The following TATDN3 variants were observed in gnomAD, a reference collection of about 807,000 sequenced individuals.
The protein encoded by TATDN3 is TatD DNase domain containing 3.
In TATDN3, 29 loss-of-function variants were observed where a neutral mutation model predicts 40.1. The observed-to-expected ratio is 0.72, with a 90% confidence interval of 0.54 to 0.99. The LOEUF (loss-of-function observed/expected upper bound fraction) is 0.99, where lower values mean the gene tolerates loss of function less well. Among genes scored for constraint, TATDN3 ranks in the 50% least tolerant of loss-of-function variants. TATDN3 has a pLI of 0.00. For synonymous variants in TATDN3, 105 were observed against 117.0 expected, an observed-to-expected ratio of 0.90 and a Z score of 0.66; for missense variants, 309 against 321.9, an observed-to-expected ratio of 0.96 and a Z score of 0.31.
At chr1:212,811,605 G>T (rs530669521) in intron 8 of TATDN3, among the ~76,000 whole-genome samples, 238 of 151,902 alleles carry the variant, frequency 1.6e-3, no homozygotes, top group African/African-American at 5.5e-3. Context: ...TTGAGGCGGA[G>T]TCTCGCTCTG....
At chr1:212,807,073 A>T (rs540397479) in intron 7 of TATDN3, among the ~76,000 whole-genome samples, 159 of 151,100 alleles carry the variant, frequency 1.1e-3, no homozygotes, top group African/African-American at 3.7e-3. Context: ...CCTCCCAAGT[A>T]GCTGGGATTA....
chr1:212,793,710 T>A (rs1360563019), intron 1 of TATDN3, among the ~76,000 whole-genome samples: 1 of 152,098 alleles, frequency 6.6e-6, no homozygotes, highest in Non-Finnish European at 1.5e-5. Flanking sequence ...CAGTAAGTAC[T>A]GAAGAATTGG....
At chr1:212,794,843 A>G (rs1385129158) in intron 1 of TATDN3, 1 of 613,650 alleles carries the variant, frequency 1.6e-6, no homozygotes, top group Admixed American at 2.1e-5. Flanking sequence ...GGAGTAGAGT[A>G]AGATGAGGAC....
rs752952752 is a variant in TATDN3 at position 212,792,632 on chromosome 1, C to CAAAAAAAAAAAAAAAAA, written c.66+650_66+666dup. 8.9e-4 allele frequency among the ~76,000 whole-genome samples: 67 copies of CAAAAAAAAAAAAAAAAA among 75,070 alleles called. 1 individual carries two copies. Among genetic ancestry groups the CAAAAAAAAAAAAAAAAA allele is most frequent in the Non-Finnish European group, 1.3e-3 (52 of 41,152 alleles). The allele number at this position is 75,070 out of a possible 152,430, so 49.2% of individuals were successfully genotyped here. ...CCTGGGTAACAGTGAGACCCTGTCT[C>CAAAAAAAAAAAAAAAAA]AAAAAAAAAAAAAAAAAAAAATTCA... On this transcript the variant is annotated intron_variant, in intron 1 of 9. Transcript: ENST00000366974.
chr1:212,796,654 A>C lies in TATDN3; in HGVS notation c.173+64A>C, dbSNP rs6684313. 7,520 of 1,146,814 alleles carry C rather than the reference A, an allele frequency of 6.6e-3. 269 individuals are homozygous for C. The African/African-American group carries it at 0.09, about 14-fold the overall frequency. 71.0% of individuals were successfully genotyped at this position (1,146,814 alleles called of 1,614,324 possible). ...AGAACACAGTTATGACATCCAGTTTATAATATCAAAGATCCATTTTTAAAG... is the reference window on the plus strand; with the variant it reads ...AGAACACAGTTATGACATCCAGTTTCTAATATCAAAGATCCATTTTTAAAG... On this transcript the variant is annotated intron_variant, in intron 3 of 9. Transcript: ENST00000366974.
chr1:212,815,312 G>A lies in TATDN3; in HGVS notation c.*156G>A. ...AATATTTCTCTTAGAAATAAAACTG[G>A]GCTTGGATCCTGAAACCCTGGGTTC... On this transcript the variant is annotated 3_prime_UTR_variant, in exon 10 of 10. Transcript: ENST00000366974. 2.2e-6 allele frequency: 2 copies of A among 905,168 alleles called. No individual in the cohort carries two copies. Among genetic ancestry groups the A allele is most frequent in the Non-Finnish European group, 3.0e-6 (2 of 658,306 alleles). 56.1% of individuals were successfully genotyped at this position (905,168 alleles called of 1,614,324 possible). A position where few individuals can be genotyped will look rare whatever the true frequency, so the allele number is the denominator to read the frequency against.
intron 5 of TATDN3, 98 bp from the exon 6 acceptor site, chr1:212,804,222 C>T (rs1662326397): frequency 2.6e-6 from 2 of 755,304 alleles, no homozygotes; most frequent in Admixed American, 3.1e-5. Context: ...GCTTTTGTGC[C>T]TCACATTATA....
intron 3 of TATDN3, 41 bp downstream of exon 3, chr1:212,796,631 A>C: frequency 7.1e-7 from 1 of 1,400,504 alleles, no homozygotes; most frequent in Non-Finnish European, 9.7e-7. Flanking sequence ...TGCTAATAAG[A>C]ACACAGTTAT....
intron 1 of TATDN3, 100 bp downstream of exon 1, chr1:212,792,087 CCCCGCCCAGA>C: frequency 8.3e-7 from 1 of 1,203,888 alleles, no homozygotes; most frequent in South Asian, 1.3e-5. Context: ...ACCCCATATC[CCCCGCCCAGA>C]CCCTTGTTTA....
At chr1:212,806,618 A>T in intron 7 of TATDN3, among the ~76,000 whole-genome samples, 1 of 149,686 alleles carries the variant, frequency 6.7e-6, no homozygotes, top group Admixed American at 6.7e-5. Context: ...CTCGCTCAAG[A>T]GATCCTCCCA....
chr1:212,794,826 C>T (rs1201926579), intron 1 of TATDN3: 2 of 586,458 alleles, frequency 3.4e-6, no homozygotes, highest in East Asian at 7.4e-5. Flanking sequence ...ATTCCGAATG[C>T]TGCTGAGGAG....
At chr1:212,802,887 C>A (rs1662251935) in intron 5 of TATDN3, 124 bp downstream of exon 5, 4 of 609,756 alleles carry the variant, frequency 6.6e-6, no homozygotes, top group South Asian at 2.7e-5. Flanking sequence ...CCCCACTTAG[C>A]CAAATAATAA....
chr1:212,814,947 A>G (rs1025137982), intron 9 of TATDN3, 66 bp from the exon 10 acceptor site: 28 of 1,519,320 alleles, frequency 1.8e-5, no homozygotes, highest in African/African-American at 1.7e-4. Flanking sequence ...TCTTCTATCT[A>G]TAGTCTCCAA....
At chr1:212,813,435 C>T (rs998129373) in intron 9 of TATDN3, among the ~76,000 whole-genome samples, 3 of 152,034 alleles carry the variant, frequency 2.0e-5, no homozygotes, top group Non-Finnish European at 4.4e-5. Flanking sequence ...AATTGGCACT[C>T]AAAATTTAGA....
At chr1:212,806,901 TATGTATATACACATATATAC>T (rs1178769210) in intron 7 of TATDN3, among the ~76,000 whole-genome samples, 16 of 144,628 alleles carry the variant, frequency 1.1e-4, no homozygotes, top group East Asian at 4.1e-4. Flanking sequence ...CATATATACA[TATGTATATACACATATATAC>T]ATATATATAT....
Position 212,802,125 on chromosome 1 carries a change from A to G in TATDN3, c.259-576A>G, listed in dbSNP as rs369876082. On this transcript the variant is annotated intron_variant, in intron 4 of 9. Coordinates refer to ENST00000366974, the MANE Select transcript of TATDN3 (RefSeq NM_001042552.3). ...TCTCCTCAGTGGAAAAGGTAATATC[A>G]TTGAAACTAATGGTACACAGCTACT... Among the ~76,000 whole-genome samples the G allele has an allele frequency of 1.8e-4, 27 of 152,350 alleles. No individual in the cohort carries two copies. In the South Asian group the frequency reaches 5.6e-3, roughly 32 times the overall value.
chr1:212,810,634 C>T (rs765899608), intron 8 of TATDN3, among the ~76,000 whole-genome samples: 69 of 151,864 alleles, frequency 4.5e-4, no homozygotes, highest in Admixed American at 3.0e-3. Context: ...GTCCAGTGAG[C>T]CGAGTACGTG....
At chr1:212,794,106 C>G (rs1661556622) in intron 1 of TATDN3, among the ~76,000 whole-genome samples, 1 of 151,792 alleles carries the variant, frequency 6.6e-6, no homozygotes, top group Non-Finnish European at 1.5e-5. Context: ...TGGTGAAACC[C>G]TGTCGCTACT....
At chr1:212,814,387 T>G (rs1015197716) in intron 9 of TATDN3, among the ~76,000 whole-genome samples, 2 of 152,224 alleles carry the variant, frequency 1.3e-5, no homozygotes, top group African/African-American at 4.8e-5. Context: ...AATAATAATT[T>G]ATTTCATAAA....
Sources: gnomAD v4.1 joint callset for allele counts (sites outside exome capture counted in the v4.1 genomes callset) on GRCh38, gnomAD v4.1.1 for gene constraint, MANE v1.5 for transcripts, NCBI Gene and HGNC (gene_info 2026-07-23, HGNC 2026-07-21) for gene names.